Variants in MICAL2 observed in about 807,000 individuals in gnomAD.
MICAL2 encodes [F-actin]-monooxygenase MICAL2.
In MICAL2, 77 loss-of-function variants were observed where a neutral mutation model predicts 127.3. The ratio of observed to expected loss-of-function variants is 0.60; its 90% CI spans 0.50 to 0.73. The LOEUF (loss-of-function observed/expected upper bound fraction) is 0.73, where lower values mean the gene tolerates loss of function less well. Among genes scored for constraint, MICAL2 ranks in the 30% least tolerant of loss-of-function variants. MICAL2 has a pLI of 0.00. For missense variants in MICAL2, 1,351 were observed against 1,434.4 expected, an observed-to-expected ratio of 0.94 and a Z score of 0.94; for synonymous variants, 570 against 551.1, an observed-to-expected ratio of 1.03 and a Z score of -0.48.
intron 29 of MICAL2, among the ~76,000 whole-genome samples, chr11:12,307,475 A>G (rs1864126054): frequency 6.6e-6 from 1 of 152,232 alleles, no homozygotes; most frequent in Non-Finnish European, 1.5e-5. Flanking sequence ...TTTGAGTTAT[A>G]GTTAAGATAT....
At chr11:12,321,709 A>T (rs1306896719) in intron 30 of MICAL2, among the ~76,000 whole-genome samples, 1 of 152,164 alleles carries the variant, frequency 6.6e-6, no homozygotes, top group Non-Finnish European at 1.5e-5. Context: ...AATAAAAGGC[A>T]ATACATGACT....
intron 32 of MICAL2, among the ~76,000 whole-genome samples, chr11:12,345,672 A>G (rs1449410644): frequency 6.6e-6 from 1 of 152,198 alleles, no homozygotes; most frequent in Non-Finnish European, 1.5e-5. Flanking sequence ...CAAGTAAAAG[A>G]TGAAGGTATC....
intron 16 of MICAL2, among the ~76,000 whole-genome samples, chr11:12,238,010 G>T (rs1242419678): frequency 2.0e-5 from 3 of 152,212 alleles, no homozygotes; most frequent in Non-Finnish European, 4.4e-5. Flanking sequence ...TTGAAGGAGG[G>T]TATGCCTCTT....
At chr11:12,124,304 G>A (rs941279592) in intron 1 of MICAL2, among the ~76,000 whole-genome samples, 2 of 152,068 alleles carry the variant, frequency 1.3e-5, no homozygotes, top group African/African-American at 4.8e-5. Context: ...GTGGACTTGC[G>A]ATCTTTGACC....
intron 14 of MICAL2, 86 bp from the exon 15 acceptor site, chr11:12,226,939 C>G (rs1233702909): frequency 1.4e-5 from 15 of 1,053,418 alleles, no homozygotes; most frequent in Non-Finnish European, 2.2e-5. Flanking sequence ...AGGCGTGAGC[C>G]ACCACACCCA....
At chr11:12,164,468 A>G (rs777640902) in intron 3 of MICAL2, among the ~76,000 whole-genome samples, 7 of 152,236 alleles carry the variant, frequency 4.6e-5, no homozygotes, top group Non-Finnish European at 1.0e-4. Flanking sequence ...AAATAACCAC[A>G]AAGAACAGGA....
At chr11:12,350,612 A>G (rs1360393863) in intron 33 of MICAL2, among the ~76,000 whole-genome samples, 2 of 152,156 alleles carry the variant, frequency 1.3e-5, no homozygotes, top group East Asian at 3.9e-4. Context: ...GGGTGTAATA[A>G]ATACTATCAC....
At position 12,151,813 on chromosome 11, in the gene MICAL2, G is replaced by C. The variant is rs536391609; in HGVS notation, c.-77-10266G>C. Among the ~76,000 whole-genome samples, 4 of 152,294 alleles carry C rather than the reference G, an allele frequency of 2.6e-5. No individual in the cohort carries two copies. In the South Asian group the frequency reaches 8.3e-4, roughly 32 times the overall value. The stretch of plus-strand genomic sequence containing the variant: ...CACCTGGACTCACAGCTGCTAGCAA[G>C]GGTCCAGGAGGAAGGAGCGGTCCAG... On this transcript the variant is annotated intron_variant, in intron 2 of 27. Transcript: ENST00000683283.
chr11:12,306,222 C>T (rs79592694), intron 29 of MICAL2, among the ~76,000 whole-genome samples: 3,713 of 152,250 alleles, frequency 0.024, 95 homozygotes, highest in East Asian at 0.14. Context: ...TACCATCTAC[C>T]ACAAAGATAA....
chr11:12,315,632 G>C (rs1864223775), intron 29 of MICAL2, among the ~76,000 whole-genome samples: 3 of 152,066 alleles, frequency 2.0e-5, no homozygotes, highest in Admixed American at 6.5e-5. Context: ...AATCTCCTTA[G>C]AACTTTATCA....
rs376598318 is a variant in MICAL2, at chr11:12,131,210, G to C, written c.-148-7180G>C. ...CGGGAGGCTGAGGCAGGAGAATGGCGTGAACCCGGGAGGCGGAGCTTGCAG... is the reference window on the plus strand; with the variant it reads ...CGGGAGGCTGAGGCAGGAGAATGGCCTGAACCCGGGAGGCGGAGCTTGCAG... On this transcript the variant is annotated intron_variant, in intron 1 of 27. Transcript: ENST00000683283. Among the ~76,000 whole-genome samples, 3 of 84,996 alleles carry C rather than the reference G, an allele frequency of 3.5e-5. 1 individual carries two copies. The highest frequency in any genetic ancestry group is 8.5e-5 in the Non-Finnish European group (3 of 35,160). The allele number at this position is 84,996 out of a possible 152,430, so 55.8% of individuals were successfully genotyped here.
rs565713093 is a variant in MICAL2, at chr11:12,339,278, C to T, written c.5516-10560C>T. Among the ~76,000 whole-genome samples the T allele has an allele frequency of 1.1e-4, 16 of 152,312 alleles. No individual in the cohort carries two copies. In the South Asian group the frequency reaches 2.5e-3, roughly 24 times the overall value. On this transcript the variant is annotated intron_variant, in intron 32 of 34. Coordinates refer to the MICAL2 transcript ENST00000646065. ...GCTTGTGCATTTGTCACGTAGTTCT[C>T]GTGCCGTGGTTTTCAGCTCCATCAG...
chr11:12,155,500 G>A (rs946767688), intron 2 of MICAL2, among the ~76,000 whole-genome samples: 2 of 151,574 alleles, frequency 1.3e-5, no homozygotes, highest in Admixed American at 6.6e-5. Flanking sequence ...ACATACACAC[G>A]TACACATACG....
chr11:12,218,999 A>G (rs1032136588), intron 8 of MICAL2, among the ~76,000 whole-genome samples: 1 of 152,224 alleles, frequency 6.6e-6, no homozygotes, highest in African/African-American at 2.4e-5. Flanking sequence ...CACTCATTCC[A>G]TCTTCTCATG....
intron 8 of MICAL2, among the ~76,000 whole-genome samples, chr11:12,219,040 T>G (rs1388258912): frequency 6.6e-6 from 1 of 152,196 alleles, no homozygotes; most frequent in African/African-American, 2.4e-5. Context: ...TGATATTCCC[T>G]TTTTACAGAT....
intron 15 of MICAL2, among the ~76,000 whole-genome samples, chr11:12,231,453 C>T (rs143493305): frequency 6.6e-6 from 1 of 152,230 alleles, no homozygotes; most frequent in Non-Finnish European, 1.5e-5. Flanking sequence ...CCCCAACCCT[C>T]CTCTTCCTGA....
At chr11:12,146,712 G>A (rs963766168) in intron 2 of MICAL2, among the ~76,000 whole-genome samples, 10 of 152,248 alleles carry the variant, frequency 6.6e-5, no homozygotes, top group African/African-American at 2.4e-4. Context: ...CTATTGCTGG[G>A]TATATACCCA....
intron 32 of MICAL2, among the ~76,000 whole-genome samples, chr11:12,349,557 G>T (rs1478963202): frequency 6.6e-6 from 1 of 152,154 alleles, no homozygotes; most frequent in Non-Finnish European, 1.5e-5. Context: ...CAGGGGGAGG[G>T]TCGTTTGTGG....
chr11:12,221,735 C>G lies in MICAL2; in HGVS notation c.1298C>G (p.Pro433Arg). The G allele has an allele frequency of 1.9e-6, 3 of 1,613,550 alleles. No homozygotes were observed. Among genetic ancestry groups the G allele is most frequent in the Middle Eastern group, 3.3e-4 (2 of 5,972 alleles). The change falls in exon 10 of 28, where the codon CCT (proline) becomes CGT (arginine). Residue 433 changes from proline (P) to arginine (R), a missense_variant. By Grantham distance (103) the Pro-to-Arg change is moderately radical. Transcript: ENST00000683283. The stretch of plus-strand genomic sequence containing the variant: ...GTGAAGAGCTGGAACCAGGGCACCC[C>G]TCCCCTGGAGCTGCTGGCTGAAAGG... Reference protein sequence around the residue: ...WMVKSWNQGTPPLELLAERES... With the variant: ...WMVKSWNQGTRPLELLAERES...
Sources: allele counts gnomAD v4.1 joint callset (sites outside exome capture counted in the v4.1 genomes callset), GRCh38; gene constraint gnomAD v4.1.1; transcripts MANE v1.5; gene names NCBI Gene and HGNC (gene_info 2026-07-23, HGNC 2026-07-21).